ADK: variants seen among roughly 807,000 people sequenced by gnomAD.
ADK encodes the protein N6,N6-dimethyladenosine kinase.
In ADK, 24 loss-of-function variants were observed where a neutral mutation model predicts 44.7. The ratio of observed to expected loss-of-function variants is 0.54; its 90% CI spans 0.39 to 0.76. The LOEUF (loss-of-function observed/expected upper bound fraction) is 0.76. ADK is among the 30% of genes least tolerant of loss of function. ADK has a pLI of 0.00. For missense variants in ADK, 321 were observed against 425.1 expected, an observed-to-expected ratio of 0.76 and a Z score of 2.15; for synonymous variants, 128 against 142.6, an observed-to-expected ratio of 0.90 and a Z score of 0.73.
Position 74,528,102 on chromosome 10 carries a change from A to G in ADK, c.726+2676A>G. On this transcript the variant is annotated intron_variant, in intron 7 of 10. Coordinates refer to ENST00000539909, the MANE Select transcript of ADK (RefSeq NM_006721.4). ...TGGAAGAGGTGAAACTGGTATGTCC[A>G]TGATCCTTATCAGAAGTGTCATGAT... 6 of 1,083,520 alleles carry G rather than the reference A, an allele frequency of 5.5e-6. No individual in the cohort carries two copies. In the South Asian group the frequency reaches 7.7e-5, roughly 14 times the overall value. 67.1% of individuals were successfully genotyped at this position (1,083,520 alleles called of 1,614,324 possible).
At chr10:74,233,680 G>A (rs539996235) in intron 3 of ADK, among the ~76,000 whole-genome samples, 6 of 152,148 alleles carry the variant, frequency 3.9e-5, no homozygotes, top group Non-Finnish European at 8.8e-5. Context: ...AAGTTCCTCC[G>A]ATATCATTTT....
chr10:74,565,526 G>A (rs1374846929), intron 7 of ADK, among the ~76,000 whole-genome samples: 7 of 151,942 alleles, frequency 4.6e-5, no homozygotes, highest in Non-Finnish European at 7.4e-5. Flanking sequence ...TTGGGAGTTC[G>A]ACACCATCCT....
intron 9 of ADK, among the ~76,000 whole-genome samples, chr10:74,623,370 T>C (rs1367978608): frequency 6.6e-6 from 1 of 152,174 alleles, no homozygotes; most frequent in Admixed American, 6.5e-5. Flanking sequence ...TCTTTACACT[T>C]AATCATAAGG....
intron 9 of ADK, among the ~76,000 whole-genome samples, chr10:74,601,650 A>G (rs773367012): frequency 6.6e-6 from 1 of 152,118 alleles, no homozygotes; most frequent in Non-Finnish European, 1.5e-5. Context: ...CCACTTGTGG[A>G]TATGTTTTAA....
At chr10:74,462,241 G>GA (rs1423702222) in intron 6 of ADK, among the ~76,000 whole-genome samples, 7 of 151,980 alleles carry the variant, frequency 4.6e-5, no homozygotes, top group Middle Eastern at 3.4e-3. Flanking sequence ...TAGTTTCTCT[G>GA]AATTATTGAC....
chr10:74,578,012 G>C (rs565585361), intron 7 of ADK, among the ~76,000 whole-genome samples: 1 of 152,096 alleles, frequency 6.6e-6, no homozygotes, highest in African/African-American at 2.4e-5. Flanking sequence ...GTAAGTTACG[G>C]CCATTAGAGT....
At chr10:74,546,491 C>T (rs1308384548) in intron 7 of ADK, among the ~76,000 whole-genome samples, 2 of 152,000 alleles carry the variant, frequency 1.3e-5, no homozygotes, top group African/African-American at 4.8e-5. Flanking sequence ...GAAAAATACT[C>T]CACGATGTCA....
intron 1 of ADK, among the ~76,000 whole-genome samples, chr10:74,187,516 ACT>A (rs1842801772): frequency 6.6e-6 from 1 of 151,096 alleles, no homozygotes; most frequent in Non-Finnish European, 1.5e-5. Context: ...ACACACACAC[ACT>A]CTTTCTCTCT....
intron 6 of ADK, among the ~76,000 whole-genome samples, chr10:74,444,302 T>A (rs1024991256): frequency 6.6e-6 from 1 of 152,162 alleles, no homozygotes; most frequent in Non-Finnish European, 1.5e-5. Context: ...AGAAAAGTCT[T>A]TCCTAGGGCT....
intron 9 of ADK, among the ~76,000 whole-genome samples, chr10:74,628,993 A>T (rs1853319113): frequency 6.6e-6 from 1 of 152,080 alleles, no homozygotes; most frequent in Non-Finnish European, 1.5e-5. Context: ...TCACAATTAG[A>T]TCATCACAAC....
At chr10:74,479,993 A>G (rs575670100) in intron 6 of ADK, among the ~76,000 whole-genome samples, 28 of 152,192 alleles carry the variant, frequency 1.8e-4, no homozygotes, top group South Asian at 1.4e-3. Flanking sequence ...TTTTCCCCCA[A>G]TCATGCTTGG....
intron 3 of ADK, among the ~76,000 whole-genome samples, chr10:74,278,799 A>G (rs531267524): frequency 6.6e-6 from 1 of 152,222 alleles, no homozygotes; most frequent in South Asian, 2.1e-4. Context: ...TAGCCTCCTG[A>G]GTAGCTGGGA....
At chr10:74,505,259 G>A (rs2133470878) in intron 6 of ADK, among the ~76,000 whole-genome samples, 1 of 152,214 alleles carries the variant, frequency 6.6e-6, no homozygotes, top group East Asian at 1.9e-4. Flanking sequence ...TTGGTTCAGT[G>A]CCCATATCAT....
At chr10:74,546,457 TTTTTA>T (rs1849821468) in intron 7 of ADK, among the ~76,000 whole-genome samples, 1 of 152,212 alleles carries the variant, frequency 6.6e-6, no homozygotes, top group Non-Finnish European at 1.5e-5. Context: ...TTTTCATTTC[TTTTTA>T]TTTTATTTTA....
intron 6 of ADK, among the ~76,000 whole-genome samples, chr10:74,473,028 C>T (rs187367773): frequency 2.1e-3 from 319 of 152,038 alleles, no homozygotes; most frequent in Non-Finnish European, 2.8e-3. Flanking sequence ...CTCACTCTGC[C>T]ACCCAGGCTG....
chr10:74,630,676 G>C (rs911078197), intron 9 of ADK, among the ~76,000 whole-genome samples: 4 of 152,098 alleles, frequency 2.6e-5, no homozygotes, highest in African/African-American at 9.7e-5. Context: ...AGTGGTGCCT[G>C]CCAGTTCTCT....
At chr10:74,360,861 C>G (rs1304173832) in intron 4 of ADK, among the ~76,000 whole-genome samples, 4 of 152,116 alleles carry the variant, frequency 2.6e-5, no homozygotes, top group Admixed American at 1.3e-4. Context: ...TTGTAGGCAG[C>G]ATGTATCTGG....
chr10:74,375,955 G>A (rs562857723), intron 4 of ADK, among the ~76,000 whole-genome samples: 173 of 151,936 alleles, frequency 1.1e-3, no homozygotes, highest in Admixed American at 2.3e-3. Flanking sequence ...AGTGTGACAG[G>A]AAAAACTTTT....
intron 1 of ADK, among the ~76,000 whole-genome samples, chr10:74,162,497 A>G (rs1293758650): frequency 6.6e-6 from 1 of 151,004 alleles, no homozygotes; most frequent in African/African-American, 2.4e-5. Flanking sequence ...AAGGATAAGA[A>G]AGGTACTCCC....
Sources: allele counts gnomAD v4.1 joint callset (sites outside exome capture counted in the v4.1 genomes callset), GRCh38; gene constraint gnomAD v4.1.1; transcripts MANE v1.5; gene names NCBI Gene and HGNC (gene_info 2026-07-23, HGNC 2026-07-21).